The following MAST4 variants were observed in gnomAD, a reference collection of about 807,000 sequenced individuals.
The protein encoded by MAST4 is microtubule associated serine/threonine kinase family member 4, also known as microtubule-associated serine/threonine-protein kinase 4.
Under a neutral mutation model 162.7 loss-of-function variants are expected in MAST4, and 89 were observed. The observed-to-expected ratio is 0.55, with a 90% CI of 0.46 to 0.65. The LOEUF is 0.65. MAST4 is among the 30% of genes least tolerant of loss of function. The pLI is 0.00. For missense variants in MAST4, 3,153 were observed against 3,374.0 expected (o/e 0.93, Z 1.62); for synonymous variants, 1,479 against 1,361.1 (o/e 1.09, Z -1.91).
chr5:66,732,984 C>T (rs961711817), intron 1 of MAST4, among the ~76,000 whole-genome samples: 1 of 152,188 alleles, frequency 6.6e-6, no homozygotes, highest in African/African-American at 2.4e-5. Flanking sequence ...CCCCACTCCT[C>T]CTTTTTCTCA....
At chr5:66,758,145 G>A (rs1753657251) in intron 1 of MAST4, among the ~76,000 whole-genome samples, 1 of 151,688 alleles carries the variant, frequency 6.6e-6, no homozygotes, top group Admixed American at 6.6e-5. Flanking sequence ...TGGGCTGCTA[G>A]TTCTTCAAGG....
chr5:66,849,527 C>G (rs1399676743), intron 3 of MAST4, among the ~76,000 whole-genome samples: 1 of 152,096 alleles, frequency 6.6e-6, no homozygotes, highest in Non-Finnish European at 1.5e-5. Flanking sequence ...TCCTGGAGTT[C>G]ACTTGAGCAT....
intron 1 of MAST4, among the ~76,000 whole-genome samples, chr5:66,683,744 G>T (rs770324657): frequency 1.2e-4 from 19 of 152,150 alleles, no homozygotes; most frequent in Non-Finnish European, 2.2e-4. Context: ...TTTGCCCCAG[G>T]ATAAGTAAGT....
At chr5:66,872,102 G>C (rs935992434) in intron 3 of MAST4, among the ~76,000 whole-genome samples, 1 of 152,124 alleles carries the variant, frequency 6.6e-6, no homozygotes, top group Non-Finnish European at 1.5e-5. Context: ...TACCACCCTT[G>C]GGAAGTAAAT....
intron 3 of MAST4, among the ~76,000 whole-genome samples, chr5:66,802,270 C>T (rs149074793): frequency 6.8e-4 from 103 of 152,142 alleles, no homozygotes; most frequent in African/African-American, 2.3e-3. Flanking sequence ...ATGATTCTCT[C>T]TGTATTCATG....
chr5:66,928,635 GT>G (rs1765078257), intron 4 of MAST4, among the ~76,000 whole-genome samples: 1 of 152,014 alleles, frequency 6.6e-6, no homozygotes, highest in Non-Finnish European at 1.5e-5. Flanking sequence ...TTATAACATT[GT>G]TTCTCTGAGA....
chr5:66,633,718 T>C (rs1202603638), intron 1 of MAST4, among the ~76,000 whole-genome samples: 2 of 152,196 alleles, frequency 1.3e-5, no homozygotes, highest in Non-Finnish European at 2.9e-5. Context: ...TCCAACTAGG[T>C]TACCCACCTT....
intron 8 of MAST4, among the ~76,000 whole-genome samples, chr5:67,102,250 T>G (rs965494225): frequency 2.0e-5 from 3 of 152,210 alleles, no homozygotes; most frequent in African/African-American, 7.2e-5. Context: ...GAATATAATT[T>G]CAATTTACAA....
chr5:66,870,559 C>A (rs1760853477), intron 3 of MAST4, among the ~76,000 whole-genome samples: 1 of 152,096 alleles, frequency 6.6e-6, no homozygotes, highest in Non-Finnish European at 1.5e-5. Context: ...TACACACTTG[C>A]ACATACAAGT....
At chr5:67,126,592 T>A (rs1329873477) in intron 14 of MAST4, among the ~76,000 whole-genome samples, 1 of 152,174 alleles carries the variant, frequency 6.6e-6, no homozygotes, top group Non-Finnish European at 1.5e-5. Context: ...CGTTCTGTTC[T>A]ATTGGTCTGT....
Position 66,623,752 on chromosome 5 carries a change from T to C in MAST4, c.363+26734T>C, listed in dbSNP as rs1236833952. Among the ~76,000 whole-genome samples the C allele has an allele frequency of 2.0e-5, 3 of 152,202 alleles. No homozygotes were observed. In the East Asian group the frequency reaches 5.8e-4, roughly 29 times the overall value. On this transcript the variant is annotated intron_variant, in intron 1 of 28. Coordinates refer to ENST00000403625, the MANE Select transcript of MAST4 (RefSeq NM_001164664.2). ...TCATCACTTCTCTTCGACATTGTACTGGAAGTCCTAGGCAGAGAAAACAGA... is the reference window on the plus strand; with the variant it reads ...TCATCACTTCTCTTCGACATTGTACCGGAAGTCCTAGGCAGAGAAAACAGA...
At position 67,165,293 on chromosome 5, in the gene MAST4, G is replaced by T. The variant is rs771554207; in HGVS notation, c.6114G>T (p.Pro2038=). 6.2e-7 allele frequency: 1 copy of T among 1,613,484 alleles called. No individual in the cohort carries two copies. The highest frequency in any genetic ancestry group is 1.7e-5 in the Admixed American group (1 of 60,030). Residue 2038 remains proline (P), a synonymous_variant, in exon 29 of 29, where the codon CCG becomes CCT. Coordinates refer to ENST00000403625, the MANE Select transcript of MAST4 (RefSeq NM_001164664.2). The part of the protein sequence containing the change: ...QTQAMEKAWA[P]GGKTNHKDGP... The stretch of plus-strand genomic sequence containing the variant: ...AGGCCATGGAGAAAGCATGGGCGCC[G>T]GGTGGGAAAACGAACCACAAAGATG...
At chr5:67,132,134 G>A (rs904105759) in intron 16 of MAST4, among the ~76,000 whole-genome samples, 183 bp downstream of exon 16, 5 of 152,066 alleles carry the variant, frequency 3.3e-5, no homozygotes, top group Admixed American at 6.6e-5. Context: ...CTTATTGGAA[G>A]TTCAGGAAAC....
Position 67,166,946 on chromosome 5 carries a change from A to G in MAST4, c.7767A>G (p.Pro2589=). Residue 2589 remains proline (P), a synonymous_variant, in exon 29 of 29, where the codon CCA becomes CCG. Coordinates refer to ENST00000403625, the MANE Select transcript of MAST4 (RefSeq NM_001164664.2). ...ACGTGACCAAGCCATCCCCAGCCCC[A>G]AACACTGACCGCCCCATCTCTCTTT... ...GRDVTKPSPA[P]NTDRPISLSN... is the part of the protein sequence containing the mutation. 2.5e-6 allele frequency: 4 copies of G among 1,612,354 alleles called. No individual in the cohort carries two copies. The highest frequency in any genetic ancestry group is 3.4e-6 in the Non-Finnish European group (4 of 1,179,610).
intron 1 of MAST4, among the ~76,000 whole-genome samples, chr5:66,681,587 T>A (rs1432886410): frequency 6.6e-6 from 1 of 152,354 alleles, no homozygotes; most frequent in East Asian, 1.9e-4. Context: ...CAAACTGAAC[T>A]TGGGCTCTGC....
intron 4 of MAST4, among the ~76,000 whole-genome samples, chr5:66,928,193 G>A (rs1376797055): frequency 1.3e-5 from 2 of 152,124 alleles, no homozygotes; most frequent in East Asian, 3.9e-4. Context: ...TACCCCTTCT[G>A]TTCTCATCCC....
At chr5:67,023,008 A>C (rs978812405) in intron 4 of MAST4, among the ~76,000 whole-genome samples, 5 of 152,178 alleles carry the variant, frequency 3.3e-5, no homozygotes, top group Non-Finnish European at 7.4e-5. Context: ...AGAATCACCC[A>C]AGTGATACTT....
At chr5:66,608,059 T>A (rs1274555601) in intron 1 of MAST4, among the ~76,000 whole-genome samples, 2 of 131,896 alleles carry the variant, frequency 1.5e-5, no homozygotes, top group Non-Finnish European at 3.4e-5. Context: ...TGCTTACTTT[T>A]TTTTTTTGTT....
At chr5:67,117,959 A>C (rs935498975) in intron 12 of MAST4, among the ~76,000 whole-genome samples, 1 of 152,226 alleles carries the variant, frequency 6.6e-6, no homozygotes, top group Non-Finnish European at 1.5e-5. Flanking sequence ...ATACAATATG[A>C]TTAATAATAA....
Sources: allele counts gnomAD v4.1 joint callset (sites outside exome capture counted in the v4.1 genomes callset), GRCh38; gene constraint gnomAD v4.1.1; transcripts MANE v1.5; gene names NCBI Gene and HGNC (gene_info 2026-07-23, HGNC 2026-07-21).